AFAP1L2: variants seen among roughly 807,000 people sequenced by gnomAD.
AFAP1L2 encodes actin filament associated protein 1 like 2, also known as actin filament-associated protein 1-like 2.
AFAP1L2 carries 46 observed loss-of-function variants against 99.3 expected under a neutral mutation model. That is an observed-to-expected ratio of 0.46 (90% CI 0.37 to 0.59). The LOEUF (loss-of-function observed/expected upper bound fraction) is 0.59, where lower values mean the gene tolerates loss of function less well. Ranked by LOEUF, AFAP1L2 falls within the 20% of genes least tolerant of loss-of-function variation. The probability of loss-of-function intolerance (pLI) is 0.00; values close to 1 mark genes in which losing one functional copy is unlikely to be tolerated. For missense variants in AFAP1L2, 959 were observed against 1,034.9 expected, an observed-to-expected ratio of 0.93 and a Z score of 1.01; for synonymous variants, 397 against 419.1, an observed-to-expected ratio of 0.95 and a Z score of 0.64.
chr10:114,333,500 T>C (rs545237737), intron 2 of AFAP1L2, among the ~76,000 whole-genome samples: 87 of 152,140 alleles, frequency 5.7e-4, no homozygotes, highest in Non-Finnish European at 1.1e-3. Flanking sequence ...TGACTGCTAG[T>C]TTTCTAGCCT....
At chr10:114,362,804 A>G (rs997870318) in intron 1 of AFAP1L2, 1 of 471,860 alleles carries the variant, frequency 2.1e-6, no homozygotes, top group African/African-American at 2.1e-5. Flanking sequence ...TAACCTCATT[A>G]GAAAAAAATC....
At chr10:114,298,732 AG>A (rs2040641831) in intron 16 of AFAP1L2, among the ~76,000 whole-genome samples, 1 of 152,176 alleles carries the variant, frequency 6.6e-6, no homozygotes, top group African/African-American at 2.4e-5. Flanking sequence ...GCCAGGAAAT[AG>A]CTGTCAAATG....
At chr10:114,372,730 C>A (rs903577638) in intron 1 of AFAP1L2, among the ~76,000 whole-genome samples, 1 of 151,962 alleles carries the variant, frequency 6.6e-6, no homozygotes, top group African/African-American at 2.4e-5. Context: ...AAAATTTCCC[C>A]CATCTTAAAA....
At chr10:114,319,031 G>A (rs960750297) in intron 5 of AFAP1L2, among the ~76,000 whole-genome samples, 11 of 151,992 alleles carry the variant, frequency 7.2e-5, no homozygotes, top group Admixed American at 7.2e-4. Flanking sequence ...ATGCGTGCCT[G>A]TAATCCCAGC....
Position 114,334,424 on chromosome 10 carries a change from G to A in AFAP1L2, c.146-1129C>T, listed in dbSNP as rs191272999. 8.3e-4 allele frequency among the ~76,000 whole-genome samples: 127 copies of A among 152,316 alleles called. 1 individual carries two copies. Among genetic ancestry groups the A allele is most frequent in the Middle Eastern group, 3.4e-3 (1 of 294 alleles). The stretch of plus-strand genomic sequence containing the variant: ...ATAAATTCCAGTGGTTAGAGACCGC[G>A]TTACTGAGCCAAAGGACCCAGTTCT... On this transcript the variant is annotated intron_variant, in intron 2 of 18. Coordinates refer to ENST00000304129, the MANE Select transcript of AFAP1L2 (RefSeq NM_001001936.3).
intron 2 of AFAP1L2, among the ~76,000 whole-genome samples, chr10:114,335,642 T>C (rs980371791): frequency 6.6e-6 from 1 of 151,720 alleles, no homozygotes; most frequent in Non-Finnish European, 1.5e-5. Flanking sequence ...AACTTAAATG[T>C]CTACCAATAG....
At chr10:114,358,736 G>A (rs181376475) in intron 1 of AFAP1L2, among the ~76,000 whole-genome samples, 44 of 152,138 alleles carry the variant, frequency 2.9e-4, no homozygotes, top group African/African-American at 8.7e-4. Context: ...TCAACATGGC[G>A]AAACCCCGTC....
rs899672881 is a variant in AFAP1L2, at chr10:114,321,125, CTTTTTA to C, written c.406+2040_406+2045del. ...GTCCCATCTCATCCCTGGTCCTGTT[CTTTTTA>C]TTTTTATTTCAATAGTTTTTGGGGT... On this transcript the variant is annotated intron_variant, in intron 5 of 18. Coordinates refer to ENST00000304129, the MANE Select transcript of AFAP1L2 (RefSeq NM_001001936.3). Among the ~76,000 whole-genome samples, 13 of 152,282 alleles carry C rather than the reference CTTTTTA, an allele frequency of 8.5e-5. No homozygotes were observed. In the South Asian group the frequency reaches 1.9e-3, roughly 22 times the overall value.
chr10:114,308,376 T>C (rs1047704545), intron 9 of AFAP1L2, 57 bp downstream of exon 9: 1 of 1,520,918 alleles, frequency 6.6e-7, no homozygotes. Context: ...GGGTTGAGCC[T>C]GACAGCCCAG....
intron 1 of AFAP1L2, among the ~76,000 whole-genome samples, chr10:114,394,638 G>A (rs1260244818): frequency 1.3e-5 from 2 of 152,102 alleles, no homozygotes; most frequent in South Asian, 2.1e-4. Flanking sequence ...GAGGGAGGGA[G>A]AGAGGGAGGG....
intron 1 of AFAP1L2, among the ~76,000 whole-genome samples, chr10:114,347,889 C>A (rs528274794): frequency 6.6e-6 from 1 of 152,268 alleles, no homozygotes; most frequent in South Asian, 2.1e-4. Flanking sequence ...TTAAGATTCC[C>A]AATGTGTGCA....
Position 114,331,904 on chromosome 10 carries a change from G to T in AFAP1L2, c.221-7C>A. ...AGGCCCTGCTCCTCAGGCGCTGCGG[G>T]CAGCAAAAGGAAAAGGCTTCGGTGA... is the stretch of plus-strand genomic sequence containing the variant. On this transcript the variant is annotated splice_polypyrimidine_tract_variant and splice_region_variant and intron_variant, in intron 3 of 18. Coordinates refer to ENST00000304129, the MANE Select transcript of AFAP1L2 (RefSeq NM_001001936.3). 2 of 1,293,576 alleles carry T rather than the reference G, an allele frequency of 1.5e-6. No homozygotes were observed. The highest frequency in any genetic ancestry group is 2.7e-5 in the South Asian group (1 of 37,238). The allele number at this position is 1,293,576 out of a possible 1,614,324, so 80.1% of individuals were successfully genotyped here. A position where few individuals can be genotyped will look rare whatever the true frequency, so the allele number is the denominator to read the frequency against.
intron 16 of AFAP1L2, 49 bp from the exon 17 acceptor site, chr10:114,297,462 C>T (rs962202707): frequency 2.5e-6 from 4 of 1,578,554 alleles, no homozygotes; most frequent in Non-Finnish European, 2.6e-6. Flanking sequence ...TCAGCCCAGG[C>T]CAGGGAGCCC....
chr10:114,296,026 A>G lies in AFAP1L2; in HGVS notation c.*16T>C, dbSNP rs1228656136. ...GGTCCACATTGACATGAGAGTCTTT[A>G]GATGAAGCTTGTTTTCTAACTTGCT... On this transcript the variant is annotated 3_prime_UTR_variant, in exon 19 of 19. Coordinates refer to ENST00000304129, the MANE Select transcript of AFAP1L2 (RefSeq NM_001001936.3). The G allele has an allele frequency of 1.2e-5, 19 of 1,614,180 alleles. No homozygotes were observed. The highest frequency in any genetic ancestry group is 1.6e-5 in the Non-Finnish European group (19 of 1,180,004).
chr10:114,367,560 A>C (rs1182619728), intron 1 of AFAP1L2, among the ~76,000 whole-genome samples: 1 of 152,216 alleles, frequency 6.6e-6, no homozygotes, highest in Non-Finnish European at 1.5e-5. Context: ...GAAACTGACC[A>C]ATAATGAGTC....
chr10:114,322,908 A>G (rs1046444079), intron 5 of AFAP1L2, among the ~76,000 whole-genome samples: 1 of 152,200 alleles, frequency 6.6e-6, no homozygotes, highest in Non-Finnish European at 1.5e-5. Context: ...GATGCAGTCA[A>G]TCTATTTGTT....
chr10:114,291,619 A>G (rs77934399), downstream of AFAP1L2: 1 of 206,608 alleles, frequency 4.8e-6, no homozygotes, highest in Admixed American at 5.2e-5. Context: ...TTTGCACACA[A>G]TCAATGCTCG....
chr10:114,336,170 T>C (rs1590276968), intron 2 of AFAP1L2, among the ~76,000 whole-genome samples: 1 of 152,210 alleles, frequency 6.6e-6, no homozygotes, highest in East Asian at 1.9e-4. Context: ...GTTTTGATTC[T>C]CAGAGGGTTG....
Position 114,296,270 on chromosome 10 carries a change from G to A in AFAP1L2, c.2431-202C>T. The A allele has an allele frequency of 4.8e-6, 3 of 629,030 alleles. No individual in the cohort carries two copies. In the South Asian group the frequency reaches 6.2e-5, roughly 13 times the overall value. 39.0% of individuals were successfully genotyped at this position (629,030 alleles called of 1,614,324 possible). On this transcript the variant is annotated intron_variant, in intron 18 of 18. Transcript: ENST00000304129. ...TTGAGACTGTGGCACAACAGCGAGT[G>A]CCTATAAGTGATGTCTCTCACAGCA...
Sources: gnomAD v4.1 joint callset for allele counts (sites outside exome capture counted in the v4.1 genomes callset) on GRCh38, gnomAD v4.1.1 for gene constraint, MANE v1.5 for transcripts, NCBI Gene and HGNC (gene_info 2026-07-23, HGNC 2026-07-21) for gene names.